Variants in RBFOX1 observed in about 807,000 individuals in gnomAD.
The protein encoded by RBFOX1 is RNA binding protein fox-1 homolog 1.
RBFOX1 carries 8 observed loss-of-function variants against 57.7 expected under a neutral mutation model. The observed-to-expected ratio is 0.14, with a 90% CI of 0.08 to 0.25. The LOEUF (loss-of-function observed/expected upper bound fraction) is 0.25, where lower values mean the gene tolerates loss of function less well. Among genes scored for constraint, RBFOX1 ranks in the 10% least tolerant of loss-of-function variants. The probability of loss-of-function intolerance (pLI) is 1.00; values close to 1 mark genes in which losing one functional copy is unlikely to be tolerated. For synonymous variants in RBFOX1, 326 were observed against 222.4 expected (o/e 1.47, Z -4.15); for missense variants, 611 against 548.5 (o/e 1.11, Z -1.14).
chr16:6,751,491 C>T lies in RBFOX1; in HGVS notation c.-16+96841C>T, dbSNP rs191477292. Among the ~76,000 whole-genome samples the T allele has an allele frequency of 1.4e-4, 22 of 152,300 alleles. No homozygotes were observed. In the East Asian group the frequency reaches 3.9e-3, roughly 27 times the overall value. On this transcript the variant is annotated intron_variant, in intron 3 of 15. Coordinates refer to ENST00000550418, the MANE Select transcript of RBFOX1 (RefSeq NM_018723.4). ...TTCCTATGTCTTAGTCCATGTACAG[C>T]AACTCTTTGCCTCACTTGTAGGTGA...
chr16:6,835,778 A>T (rs1272739037), intron 3 of RBFOX1, among the ~76,000 whole-genome samples: 1 of 124,900 alleles, frequency 8.0e-6, no homozygotes, highest in Non-Finnish European at 1.6e-5. Context: ...AAAAAAAAAA[A>T]AAAGTTTGTA....
At chr16:6,276,170 C>A (rs537580816) in intron 1 of RBFOX1, among the ~76,000 whole-genome samples, 1 of 152,028 alleles carries the variant, frequency 6.6e-6, no homozygotes, top group East Asian at 1.9e-4. Context: ...CATAGATAAA[C>A]GGATGACTCA....
intron 2 of RBFOX1, among the ~76,000 whole-genome samples, chr16:6,419,068 A>T (rs2093704054): frequency 2.0e-5 from 3 of 152,142 alleles, no homozygotes; most frequent in Admixed American, 2.0e-4. Flanking sequence ...ACACATCTCC[A>T]GGGTTATCTT....
chr16:5,721,376 T>C (rs545412247), intron 3 of RBFOX1, among the ~76,000 whole-genome samples: 1 of 152,282 alleles, frequency 6.6e-6, no homozygotes, highest in East Asian at 1.9e-4. Context: ...TGCGGATTAG[T>C]TGGCTTTTCT....
chr16:7,255,279 G>A (rs905947699), intron 4 of RBFOX1, among the ~76,000 whole-genome samples: 1 of 152,132 alleles, frequency 6.6e-6, no homozygotes, highest in African/African-American at 2.4e-5. Flanking sequence ...TAAACTCTGT[G>A]CTATTTCCAT....
At chr16:6,177,783 T>A (rs2097024516) in intron 1 of RBFOX1, among the ~76,000 whole-genome samples, 1 of 152,118 alleles carries the variant, frequency 6.6e-6, no homozygotes, top group Non-Finnish European at 1.5e-5. Context: ...AAGGAGACTT[T>A]CATACTCATT....
chr16:5,566,734 G>C (rs950955053), intron 2 of RBFOX1, among the ~76,000 whole-genome samples: 9 of 151,826 alleles, frequency 5.9e-5, no homozygotes, highest in African/African-American at 1.9e-4. Context: ...AAACTACCTA[G>C]AGAGCTTTCG....
chr16:5,794,425 T>C (rs2054806915), intron 3 of RBFOX1, among the ~76,000 whole-genome samples: 1 of 152,150 alleles, frequency 6.6e-6, no homozygotes, highest in African/African-American at 2.4e-5. Context: ...CTGAAAGCAC[T>C]GTGTGATCTA....
intron 3 of RBFOX1, among the ~76,000 whole-genome samples, chr16:6,761,500 CTTTTTTTTTTTTTT>C (rs869243278): frequency 3.3e-5 from 2 of 60,156 alleles, no homozygotes; most frequent in East Asian, 5.8e-4. Context: ...TCCCAATCTC[CTTTTTTTTTTTTTT>C]TTTTTTTTTT....
At chr16:5,993,675 C>G (rs2060444796) in intron 4 of RBFOX1, among the ~76,000 whole-genome samples, 1 of 152,146 alleles carries the variant, frequency 6.6e-6, no homozygotes, top group Non-Finnish European at 1.5e-5. Context: ...ACCCATTTAG[C>G]TGCAGTGAGT....
chr16:6,850,905 C>G (rs998795970), intron 3 of RBFOX1, among the ~76,000 whole-genome samples: 4 of 152,132 alleles, frequency 2.6e-5, no homozygotes, highest in African/African-American at 9.7e-5. Context: ...AACACATCCA[C>G]AAAACAACCT....
At chr16:7,427,929 C>T (rs748686869) in intron 4 of RBFOX1, among the ~76,000 whole-genome samples, 7 of 152,178 alleles carry the variant, frequency 4.6e-5, no homozygotes, top group Non-Finnish European at 1.0e-4. Context: ...GCTCAGCCAC[C>T]ATGCACAGTC....
intron 3 of RBFOX1, among the ~76,000 whole-genome samples, chr16:6,970,417 C>G (rs935125572): frequency 1.3e-5 from 2 of 152,132 alleles, no homozygotes; most frequent in African/African-American, 2.4e-5. Flanking sequence ...TTAGTCTGCT[C>G]AGGCTGCTAC....
At chr16:5,679,250 G>A (rs949629174) in intron 3 of RBFOX1, among the ~76,000 whole-genome samples, 1 of 152,056 alleles carries the variant, frequency 6.6e-6, no homozygotes, top group East Asian at 1.9e-4. Context: ...TGAACCTCAT[G>A]CTTCTCTTAA....
intron 1 of RBFOX1, among the ~76,000 whole-genome samples, chr16:6,249,936 C>A (rs565349117): frequency 6.6e-6 from 1 of 152,192 alleles, no homozygotes; most frequent in South Asian, 2.1e-4. Context: ...TCCCCCTACC[C>A]CACAATAGGC....
chr16:7,401,125 G>C (rs1436282290), intron 4 of RBFOX1, among the ~76,000 whole-genome samples: 8 of 152,310 alleles, frequency 5.3e-5, no homozygotes, highest in African/African-American at 1.7e-4. Context: ...AATGGTATTA[G>C]AAAATCCAGA....
chr16:5,414,444 C>T lies in RBFOX1; in HGVS notation c.220-52772C>T, dbSNP rs538020305. Among the ~76,000 whole-genome samples the T allele has an allele frequency of 2.2e-4, 34 of 152,314 alleles. No homozygotes were observed. The East Asian group carries it at 6.6e-3, about 29-fold the overall frequency. ...TCACTTTATGAGAGATTTATTCCCTCTAATCAACAGAATGGAGGGTGACAG... is the reference window on the plus strand; with the variant it reads ...TCACTTTATGAGAGATTTATTCCCTTTAATCAACAGAATGGAGGGTGACAG... On this transcript the variant is annotated intron_variant, in intron 1 of 2. Coordinates refer to the RBFOX1 transcript ENST00000585867.
At chr16:7,486,495 C>T (rs2065434258) in intron 4 of RBFOX1, among the ~76,000 whole-genome samples, 1 of 152,012 alleles carries the variant, frequency 6.6e-6, no homozygotes, top group South Asian at 2.1e-4. Context: ...TTGGGCCAGT[C>T]ACTTAACTTC....
chr16:7,241,279 T>G (rs1457667078), intron 4 of RBFOX1, among the ~76,000 whole-genome samples: 1 of 152,154 alleles, frequency 6.6e-6, no homozygotes, highest in Admixed American at 6.5e-5. Flanking sequence ...GCACTACTAT[T>G]TATTCTAATT....
Sources: gnomAD v4.1 joint callset for allele counts (sites outside exome capture counted in the v4.1 genomes callset) on GRCh38, gnomAD v4.1.1 for gene constraint, MANE v1.5 for transcripts, NCBI Gene and HGNC (gene_info 2026-07-23, HGNC 2026-07-21) for gene names.